TMTC3: variants seen among roughly 807,000 people sequenced by gnomAD.
TMTC3 encodes the protein transmembrane O-mannosyltransferase targeting cadherins 3, also known as protein O-mannosyl-transferase TMTC3.
Under a neutral mutation model 92.2 loss-of-function variants are expected in TMTC3, and 52 were observed. The observed-to-expected ratio is 0.56, with a 90% CI of 0.45 to 0.71. The LOEUF (loss-of-function observed/expected upper bound fraction) is 0.71, where lower values mean the gene tolerates loss of function less well. Ranked by LOEUF, TMTC3 falls within the 30% of genes least tolerant of loss-of-function variation. The pLI, the probability that TMTC3 is intolerant of heterozygous loss-of-function variation, is 0.00. For synonymous variants in TMTC3, 339 were observed against 363.3 expected (o/e 0.93, Z 0.76); for missense variants, 896 against 1,057.1 (o/e 0.85, Z 2.11).
chr12:88,177,947 T>C (rs931697352), intron 10 of TMTC3, among the ~76,000 whole-genome samples: 5 of 152,138 alleles, frequency 3.3e-5, no homozygotes, highest in African/African-American at 1.2e-4. Flanking sequence ...ACAAAAGTAA[T>C]GTTAGAGAAA....
intron 2 of TMTC3, among the ~76,000 whole-genome samples, chr12:88,148,751 T>C (rs541066179): frequency 1.3e-4 from 20 of 152,144 alleles, no homozygotes; most frequent in Admixed American, 5.2e-4. Context: ...TTTTTTAACT[T>C]TTATTTTAGA....
chr12:88,150,780 G>A (rs1233415441), intron 2 of TMTC3, among the ~76,000 whole-genome samples: 1 of 152,078 alleles, frequency 6.6e-6, no homozygotes, highest in African/African-American at 2.4e-5. Flanking sequence ...AGTTATGATA[G>A]CCTAGAAGAT....
chr12:88,168,305 A>G (rs1468971992), intron 7 of TMTC3, among the ~76,000 whole-genome samples: 1 of 152,214 alleles, frequency 6.6e-6, no homozygotes, highest in African/African-American at 2.4e-5. Flanking sequence ...TGATTTGATG[A>G]GGAAGTGAAG....
chr12:88,195,762 C>A lies in TMTC3; in HGVS notation c.*113C>A. On this transcript the variant is annotated 3_prime_UTR_variant, in exon 14 of 14. Coordinates refer to ENST00000266712, the MANE Select transcript of TMTC3 (RefSeq NM_181783.4). The stretch of plus-strand genomic sequence containing the variant: ...AGGGTTCCTAATGGTCAATCATGAG[C>A]TGCCTTGAAGTAGGATCAAAATAAG... The A allele has an allele frequency of 1.2e-6, 1 of 821,794 alleles. No homozygotes were observed. Among genetic ancestry groups the A allele is most frequent in the Non-Finnish European group, 1.9e-6 (1 of 537,822 alleles). The allele number at this position is 821,794 out of a possible 1,614,324, so 50.9% of individuals were successfully genotyped here.
intron 9 of TMTC3, 31 bp from the exon 10 acceptor site, chr12:88,176,177 G>T (rs747721621): frequency 1.6e-4 from 222 of 1,420,702 alleles, no homozygotes; most frequent in Middle Eastern, 6.3e-4. Flanking sequence ...TTTTTTAATT[G>T]TAACTTTTTC....
At chr12:88,191,354 TCAA>T (rs1342701273) in intron 12 of TMTC3, among the ~76,000 whole-genome samples, 1 of 152,176 alleles carries the variant, frequency 6.6e-6, no homozygotes, top group Non-Finnish European at 1.5e-5. Flanking sequence ...AAAGAACTAT[TCAA>T]CAATCTCTAC....
At position 88,198,231 on chromosome 12, in the gene TMTC3, G is replaced by C. The variant is rs1306483733; in HGVS notation, c.*2582G>C. 7 of 396,114 alleles carry C rather than the reference G, an allele frequency of 1.8e-5. No individual in the cohort carries two copies. The highest frequency in any genetic ancestry group is 2.7e-5 in the Non-Finnish European group (6 of 224,794). 24.5% of individuals were successfully genotyped at this position (396,114 alleles called of 1,614,324 possible). A position where few individuals can be genotyped will look rare whatever the true frequency, so the allele number is the denominator to read the frequency against. On this transcript the variant is annotated 3_prime_UTR_variant, in exon 14 of 14. Transcript: ENST00000266712. The stretch of plus-strand genomic sequence containing the variant: ...TTTTTTTTTTCCTCTGGAGCTGCCT[G>C]TTCAGTGAGATGGAGGAGGTGGGCA...
Position 88,174,614 on chromosome 12 carries a change from A to T in TMTC3, c.1207A>T (p.Lys403Ter). The T allele has an allele frequency of 6.2e-7, 1 of 1,605,056 alleles. No individual in the cohort carries two copies. Among genetic ancestry groups the T allele is most frequent in the Non-Finnish European group, 8.5e-7 (1 of 1,177,214 alleles). The change falls in exon 9 of 14, where the codon AAA becomes TAA. Residue 403 changes from lysine (K) to a stop codon, truncating the protein, a stop_gained. Coordinates refer to ENST00000266712, the MANE Select transcript of TMTC3 (RefSeq NM_181783.4). LOFTEE classifies it high-confidence loss of function. Reference protein sequence around the residue: ...WQKISTKSVFKKLSWICLSMV... With the variant: ...WQKISTKSVF ...TTTTTTTCTCTTAAACAGTGTATTT[A>T]AAAAGCTATCCTGGATTTGTCTGTC...
intron 7 of TMTC3, among the ~76,000 whole-genome samples, chr12:88,171,457 T>C (rs751739827): frequency 6.6e-5 from 10 of 152,090 alleles, no homozygotes; most frequent in South Asian, 4.1e-4. Context: ...CATGCGTTGT[T>C]TGTCTTTCTG....
At chr12:88,155,932 A>G (rs2138372616) in intron 4 of TMTC3, among the ~76,000 whole-genome samples, 1 of 152,214 alleles carries the variant, frequency 6.6e-6, no homozygotes, top group South Asian at 2.1e-4. Context: ...CATTGTGGTG[A>G]AATCCTGTCT....
At chr12:88,160,895 C>T in intron 6 of TMTC3, 44 bp downstream of exon 6, 1 of 1,521,840 alleles carries the variant, frequency 6.6e-7, no homozygotes, top group Non-Finnish European at 8.9e-7. Flanking sequence ...TTTTTTTTAA[C>T]TTTGGATTTT....
At chr12:88,170,455 A>G (rs2041192442) in intron 7 of TMTC3, among the ~76,000 whole-genome samples, 1 of 151,984 alleles carries the variant, frequency 6.6e-6, no homozygotes, top group African/African-American at 2.4e-5. Flanking sequence ...AATTCTATGC[A>G]CTCTTAGTTA....
At chr12:88,178,111 C>T (rs1592742446) in intron 10 of TMTC3, among the ~76,000 whole-genome samples, 1 of 152,086 alleles carries the variant, frequency 6.6e-6, no homozygotes, top group African/African-American at 2.4e-5. Flanking sequence ...GAAGAAGATA[C>T]CTGTTCTTCC....
In TMTC3 at chr12:88,160,813, A is replaced by G. The variant is rs2041068318; in HGVS notation, c.759A>G (p.Arg253=). The change falls in exon 6 of 14, where the codon AGA becomes AGG. Residue 253 remains arginine, a synonymous_variant. Transcript: ENST00000266712. ...MFSTLLLVVI[R]VQVIQSQLPV... ...GTACATTATTACTTGTTGTGATTAG[A>G]GTCCAGGTTATTCAATCCCAACTTC... 2 of 1,612,580 alleles carry G rather than the reference A, an allele frequency of 1.2e-6. No individual in the cohort carries two copies. Among genetic ancestry groups the G allele is most frequent in the Non-Finnish European group, 8.5e-7 (1 of 1,179,382 alleles).
At chr12:88,169,041 T>A (rs1359372896) in intron 7 of TMTC3, among the ~76,000 whole-genome samples, 1 of 152,188 alleles carries the variant, frequency 6.6e-6, no homozygotes, top group Non-Finnish European at 1.5e-5. Context: ...GTTTTATGGC[T>A]TCAGCTTTCA....
chr12:88,170,885 C>T (rs1246930747), intron 7 of TMTC3, among the ~76,000 whole-genome samples: 1 of 152,108 alleles, frequency 6.6e-6, no homozygotes, highest in Non-Finnish European at 1.5e-5. Flanking sequence ...CACATGTCAT[C>T]CCATTTTCAA....
intron 1 of TMTC3, among the ~76,000 whole-genome samples, chr12:88,144,974 T>C (rs2040854656): frequency 6.6e-6 from 1 of 152,224 alleles, no homozygotes; most frequent in African/African-American, 2.4e-5. Flanking sequence ...TAAGAACACT[T>C]GTCTGGACCT....
rs919143444 is a variant in TMTC3 at position 88,199,037 on chromosome 12, G to A, written c.*3388G>A. ...TGGTACTTCTTAAAACCATAACCTGGCTTGCCTTTTAGTGTTAAAAAAATA... is the reference window on the plus strand; with the variant it reads ...TGGTACTTCTTAAAACCATAACCTGACTTGCCTTTTAGTGTTAAAAAAATA... On this transcript the variant is annotated 3_prime_UTR_variant, in exon 14 of 14. Coordinates refer to ENST00000266712, the MANE Select transcript of TMTC3 (RefSeq NM_181783.4). 1 of 84,766 alleles carries A rather than the reference G, an allele frequency of 1.2e-5. No homozygotes were observed. The highest frequency in any genetic ancestry group is 3.5e-5 in the African/African-American group (1 of 28,768). 5.3% of individuals were successfully genotyped at this position (84,766 alleles called of 1,614,324 possible).
At chr12:88,160,593 A>G in intron 5 of TMTC3, 86 bp from the exon 6 acceptor site, 1 of 1,156,546 alleles carries the variant, frequency 8.6e-7, no homozygotes. Flanking sequence ...ACTTGTATCT[A>G]ATCTTGCAAT....
Sources: allele counts gnomAD v4.1 joint callset (sites outside exome capture counted in the v4.1 genomes callset), GRCh38; gene constraint gnomAD v4.1.1; transcripts MANE v1.5; gene names NCBI Gene and HGNC (gene_info 2026-07-23, HGNC 2026-07-21).